FAM234B: variants seen among roughly 807,000 people sequenced by gnomAD.
FAM234B encodes family with sequence similarity 234 member B, also known as protein FAM234B.
A neutral mutation model predicts 69.3 loss-of-function variants in FAM234B; 33 were observed. The observed-to-expected ratio is 0.48, with a 90% CI of 0.36 to 0.64. The LOEUF (loss-of-function observed/expected upper bound fraction) is 0.64, where lower values mean the gene tolerates loss of function less well. Among genes scored for constraint, FAM234B ranks in the 30% least tolerant of loss-of-function variants. The pLI is 0.00. For synonymous variants in FAM234B, 306 were observed against 306.9 expected (o/e 1.00, Z 0.03); for missense variants, 697 against 769.7 (o/e 0.91, Z 1.12).
At chr12:13,053,557 A>AT (rs1259515242) in intron 1 of FAM234B, among the ~76,000 whole-genome samples, 1 of 152,050 alleles carries the variant, frequency 6.6e-6, no homozygotes, top group East Asian at 1.9e-4. Flanking sequence ...TTTATTAGGG[A>AT]TTTTAAAAGG....
At chr12:13,052,492 A>G (rs1307589978) in intron 1 of FAM234B, among the ~76,000 whole-genome samples, 4 of 152,128 alleles carry the variant, frequency 2.6e-5, no homozygotes, top group African/African-American at 9.7e-5. Flanking sequence ...TACCATCTTA[A>G]CTATGTTAAG....
intron 10 of FAM234B, among the ~76,000 whole-genome samples, chr12:13,073,249 C>G (rs1865127688): frequency 6.6e-6 from 1 of 151,798 alleles, no homozygotes; most frequent in Non-Finnish European, 1.5e-5. Flanking sequence ...CCTGCCTCTG[C>G]TTCCCTAAGA....
At chr12:13,046,640 A>G (rs756241833) in intron 1 of FAM234B, among the ~76,000 whole-genome samples, 1 of 151,988 alleles carries the variant, frequency 6.6e-6, no homozygotes, top group South Asian at 2.1e-4. Context: ...TTGTATTTTT[A>G]GTAGAGACAG....
Position 13,083,397 on chromosome 12 carries a change from A to C in FAM234B, c.*2767A>C, listed in dbSNP as rs1865266786. The C allele has an allele frequency of 6.6e-6, 1 of 152,572 alleles. No individual in the cohort carries two copies. The highest frequency in any genetic ancestry group is 1.5e-5 in the Non-Finnish European group (1 of 68,030). 9.5% of individuals were successfully genotyped at this position (152,572 alleles called of 1,614,324 possible). A position where few individuals can be genotyped will look rare whatever the true frequency, so the allele number is the denominator to read the frequency against. ...GCCAGCTGGTATATTGTCAGGAAGC[A>C]CTATTTAAAATGTGAACTGTTATAG... On this transcript the variant is annotated 3_prime_UTR_variant, in exon 13 of 13. Coordinates refer to ENST00000197268, the MANE Select transcript of FAM234B (RefSeq NM_020853.2).
intron 2 of FAM234B, 114 bp downstream of exon 2, chr12:13,056,060 C>A: frequency 9.1e-7 from 1 of 1,098,898 alleles, no homozygotes; most frequent in South Asian, 2.0e-5. Flanking sequence ...CATTCCCCAC[C>A]CTGCCGTCCC....
chr12:13,064,553 C>T (rs1371903905), intron 5 of FAM234B, among the ~76,000 whole-genome samples: 1 of 152,134 alleles, frequency 6.6e-6, no homozygotes. Flanking sequence ...GGCTTCTTGC[C>T]CACTCTTACT....
chr12:13,066,571 T>G, intron 5 of FAM234B, 69 bp from the exon 6 acceptor site: 1 of 1,497,796 alleles, frequency 6.7e-7, no homozygotes. Context: ...AGTGACTGTC[T>G]GGAGAAGCCA....
Position 13,071,296 on chromosome 12 carries a change from G to C in FAM234B, c.1424G>C (p.Cys475Ser). ...GSIVWSYRAP[C>S]HMKETPATSA... ...ATTGTTTGGAGTTACCGTGCTCCGT[G>C]TCACATGAAAGAAACGCCAGCCACC... Residue 475 changes from cysteine (C) to serine (S), a missense_variant, in exon 10 of 13, where the codon TGT becomes TCT. This residue lies in a region of FAM234B where 313 missense variants were observed against 305.5 expected (regional missense o/e 1.02). Coordinates refer to ENST00000197268, the MANE Select transcript of FAM234B (RefSeq NM_020853.2). 1 of 1,614,140 alleles carries C rather than the reference G, an allele frequency of 6.2e-7. No individual in the cohort carries two copies. The highest frequency in any genetic ancestry group is 1.1e-5 in the South Asian group (1 of 91,084).
At chr12:13,048,640 C>T (rs1256952034) in intron 1 of FAM234B, among the ~76,000 whole-genome samples, 1 of 151,958 alleles carries the variant, frequency 6.6e-6, no homozygotes, top group African/African-American at 2.4e-5. Context: ...TTTTTTTCCA[C>T]GGGATCATAT....
At chr12:13,047,959 T>C (rs1032915176) in intron 1 of FAM234B, among the ~76,000 whole-genome samples, 2 of 152,182 alleles carry the variant, frequency 1.3e-5, no homozygotes, top group African/African-American at 4.8e-5. Context: ...ATTAAAGACT[T>C]CTCTAATCAA....
In FAM234B at chr12:13,044,780, A is replaced by T. The variant is rs1177839773; in HGVS notation, c.37+340A>T. Among the ~76,000 whole-genome samples, 1 of 152,050 alleles carries T rather than the reference A, an allele frequency of 6.6e-6. No individual in the cohort carries two copies. The highest frequency in any genetic ancestry group is 1.5e-5 in the Non-Finnish European group (1 of 68,010). On this transcript the variant is annotated intron_variant, in intron 1 of 12. Coordinates refer to ENST00000197268, the MANE Select transcript of FAM234B (RefSeq NM_020853.2). The surrounding 1 kb of genome is among the most constrained non-coding windows in gnomAD (Gnocchi z 5.6). ...GGAGCATCCTTCCCGAGCGCCGCGG[A>T]CCCAGCACCGCAGGGACTCCGGCGC...
intron 12 of FAM234B, 118 bp from the exon 13 acceptor site, chr12:13,080,507 T>C (rs1164385201): frequency 3.9e-6 from 3 of 772,390 alleles, no homozygotes; most frequent in Non-Finnish European, 2.2e-6. Context: ...TACAGACTAT[T>C]GGAGCTAAAG....
At chr12:13,053,773 C>T (rs1030009673) in intron 1 of FAM234B, among the ~76,000 whole-genome samples, 1 of 152,120 alleles carries the variant, frequency 6.6e-6, no homozygotes, top group Non-Finnish European at 1.5e-5. Context: ...TGGAATTTCC[C>T]AATCCTAGTA....
In FAM234B at chr12:13,068,659, A is replaced by G; in HGVS notation, c.1316A>G (p.Asp439Gly). 1 of 1,613,112 alleles carries G rather than the reference A, an allele frequency of 6.2e-7. No individual in the cohort carries two copies. The highest frequency in any genetic ancestry group is 8.5e-7 in the Non-Finnish European group (1 of 1,179,086). Reference protein sequence around the residue: ...SQPTPGYFTDDQTLDFLLQIQ... With the variant: ...SQPTPGYFTDGQTLDFLLQIQ... Reference sequence around the variant, plus strand: ...CCTACTCCTGGATATTTCACTGATGATCAGACATTAGATTTCCTTCTGCAG... The same window carrying G: ...CCTACTCCTGGATATTTCACTGATGGTCAGACATTAGATTTCCTTCTGCAG... The change falls in exon 9 of 13, where the codon GAT (aspartate) becomes GGT (glycine). Residue 439 changes from aspartate to glycine, a missense_variant. Transcript: ENST00000197268.
chr12:13,076,380 A>T (rs1223946553), intron 11 of FAM234B, among the ~76,000 whole-genome samples: 2 of 152,178 alleles, frequency 1.3e-5, no homozygotes, highest in Non-Finnish European at 1.5e-5. Flanking sequence ...AGCGCGTCCC[A>T]TTCCAAAGGG....
intron 1 of FAM234B, among the ~76,000 whole-genome samples, chr12:13,053,808 C>T (rs1481660540): frequency 1.3e-5 from 2 of 152,134 alleles, no homozygotes; most frequent in African/African-American, 4.8e-5. Flanking sequence ...TGCAGGAGAC[C>T]AGGGCATATT....
intron 9 of FAM234B, among the ~76,000 whole-genome samples, chr12:13,069,532 G>A (rs1003861878): frequency 1.3e-5 from 2 of 152,128 alleles, no homozygotes; most frequent in Admixed American, 6.5e-5. Flanking sequence ...TCTACCATGC[G>A]GTGGAAAGTG....
At chr12:13,080,060 A>G in intron 12 of FAM234B, 51 bp downstream of exon 12, 1 of 1,328,470 alleles carries the variant, frequency 7.5e-7, no homozygotes, top group Non-Finnish European at 1.0e-6. Flanking sequence ...GACAAATACT[A>G]CCAATTCCAG....
chr12:13,046,483 G>A (rs999905892), intron 1 of FAM234B, among the ~76,000 whole-genome samples: 6 of 151,786 alleles, frequency 4.0e-5, no homozygotes, highest in African/African-American at 1.2e-4. Context: ...TTTTTGAGAC[G>A]GAGTTTTGCT....
Sources: allele counts gnomAD v4.1 joint callset (sites outside exome capture counted in the v4.1 genomes callset), GRCh38; gene constraint gnomAD v4.1.1; regional missense constraint gnomAD v4.1.1; non-coding constraint Gnocchi (gnomAD v3.1); transcripts MANE v1.5; gene names NCBI Gene and HGNC (gene_info 2026-07-23, HGNC 2026-07-21).